Variants in SLC27A1 observed in about 807,000 individuals in gnomAD.
The protein encoded by SLC27A1 is solute carrier family 27 member 1.
Under a neutral mutation model 62.2 loss-of-function variants are expected in SLC27A1, and 61 were observed. The ratio of observed to expected loss-of-function variants is 0.98; its 90% CI spans 0.80 to 1.21. The LOEUF (loss-of-function observed/expected upper bound fraction) is 1.21, where lower values mean the gene tolerates loss of function less well. Ranked by LOEUF, SLC27A1 falls within the 50% of genes most tolerant of loss-of-function variation. SLC27A1 has a pLI of 0.00. For synonymous variants in SLC27A1, 435 were observed against 408.6 expected (o/e 1.06, Z -0.78); for missense variants, 903 against 932.1 (o/e 0.97, Z 0.41).
intron 1 of SLC27A1, among the ~76,000 whole-genome samples, chr19:17,475,977 C>T (rs1261118648): frequency 6.6e-6 from 1 of 152,088 alleles, no homozygotes; most frequent in Non-Finnish European, 1.5e-5. Flanking sequence ...ACCAAGAGAC[C>T]GGGAGGCTGG....
At chr19:17,475,595 G>A (rs2075114763) in intron 1 of SLC27A1, among the ~76,000 whole-genome samples, 1 of 152,168 alleles carries the variant, frequency 6.6e-6, no homozygotes, top group South Asian at 2.1e-4. Flanking sequence ...GGCACAGAGA[G>A]GGGAGGTTAT....
Position 17,500,848 on chromosome 19 carries a change from C to T in SLC27A1, c.1608C>T (p.Asp536=), listed in dbSNP as rs367687456. 2.0e-5 allele frequency: 33 copies of T among 1,610,596 alleles called. No individual in the cohort carries two copies. The highest frequency in any genetic ancestry group is 2.0e-4 in the African/African-American group (15 of 74,790). Residue 536 remains aspartate (D), a synonymous_variant, in exon 10 of 12, where the codon GAC becomes GAT. Coordinates refer to ENST00000252595, the MANE Select transcript of SLC27A1 (RefSeq NM_198580.3). ...GVLSRLLGQT[D]VAVYGVAVPG... The stretch of plus-strand genomic sequence containing the variant: ...TGAGCCGCCTGCTGGGCCAGACAGA[C>T]GTGGCCGTCTATGGGGTGGCTGTTC...
intron 11 of SLC27A1, 117 bp from the exon 12 acceptor site, chr19:17,504,338 C>A: frequency 7.7e-7 from 1 of 1,301,104 alleles, no homozygotes; most frequent in Non-Finnish European, 1.1e-6. Context: ...TGGGGAAGAA[C>A]ATTCCTGCCC....
Position 17,497,387 on chromosome 19 carries a change from C to A in SLC27A1, c.1129C>A (p.Arg377Ser). 6.2e-7 allele frequency: 1 copy of A among 1,604,010 alleles called. No individual in the cohort carries two copies. ...TGCCATCTGGGAGGAGTTCACGGAGCGCTTCGGCGTACGCCAAATCGGGGA... is the reference window on the plus strand; with the variant it reads ...TGCCATCTGGGAGGAGTTCACGGAGAGCTTCGGCGTACGCCAAATCGGGGA... ...RPAIWEEFTE[R>S]FGVRQIGEFY... Residue 377 changes from arginine to serine, a missense_variant, in exon 7 of 12, where the codon CGC becomes AGC. By Grantham distance (110) the Arg-to-Ser change is moderately radical (BLOSUM62 -1). Transcript: ENST00000252595.
At position 17,486,856 on chromosome 19, in the gene SLC27A1, A is replaced by T. The variant is rs1225061017; in HGVS notation, c.461A>T (p.Glu154Val). Residue 154 changes from glutamate (E) to valine (V), a missense_variant, in exon 2 of 12, where the codon GAG becomes GTG. By Grantham distance (121) the Glu-to-Val change is moderately radical (BLOSUM62 -2). Coordinates refer to ENST00000252595, the MANE Select transcript of SLC27A1 (RefSeq NM_198580.3). The surrounding 1 kb of genome is among the most constrained non-coding windows in gnomAD (Gnocchi z 6.6). ...CTGGGCCTGGCCAAGGCGGGCATGG[A>T]GGCCGCGCTGCTCAACGTGAACCTG... ...LWLGLAKAGM[E>V]AALLNVNLRR... The T allele has an allele frequency of 6.3e-7, 1 of 1,585,708 alleles. No homozygotes were observed. Among genetic ancestry groups the T allele is most frequent in the South Asian group, 1.1e-5 (1 of 89,106 alleles).
chr19:17,502,835 A>T (rs1042128974), intron 11 of SLC27A1, among the ~76,000 whole-genome samples: 5 of 151,516 alleles, frequency 3.3e-5, no homozygotes, highest in Non-Finnish European at 7.4e-5. Context: ...ACAGGCAGGC[A>T]CCACCATGCC....
In SLC27A1 at chr19:17,488,860, G is replaced by T. The variant is rs747370293; in HGVS notation, c.807G>T (p.Met269Ile). The T allele has an allele frequency of 5.0e-6, 8 of 1,613,734 alleles. No individual in the cohort carries two copies. In the South Asian group the frequency reaches 7.7e-5, roughly 16 times the overall value. ...CCTCCCCCTGCAGGTACTACCGCAT[G>T]GCAGCCTTCGGCCACCACGCCTACC... ...AIVVHSRYYR[M>I]AAFGHHAYRM... is the part of the protein sequence containing the mutation. The change falls in exon 5 of 12, where the codon ATG (methionine) becomes ATT (isoleucine). Residue 269 changes from methionine to isoleucine, a missense_variant. Met to Ile is a conservative substitution (Grantham distance 10, BLOSUM62 1). Coordinates refer to ENST00000252595, the MANE Select transcript of SLC27A1 (RefSeq NM_198580.3).
chr19:17,501,874 G>A (rs1231613719), intron 11 of SLC27A1, among the ~76,000 whole-genome samples: 4 of 150,920 alleles, frequency 2.7e-5, no homozygotes, highest in Non-Finnish European at 5.9e-5. Context: ...CACTTTGGGA[G>A]GCTGAGGCAG....
At chr19:17,500,436 G>C in intron 8 of SLC27A1, 32 bp downstream of exon 8, 5 of 1,612,660 alleles carry the variant, frequency 3.1e-6, no homozygotes, top group Non-Finnish European at 4.2e-6. Flanking sequence ...TCCCCACCCG[G>C]AGCAGGGGTC....
intron 6 of SLC27A1, 160 bp from the exon 7 acceptor site, chr19:17,497,095 C>T (rs576310189): frequency 7.1e-6 from 4 of 565,048 alleles, no homozygotes; most frequent in East Asian, 3.5e-5. Flanking sequence ...TCAATGTGGT[C>T]CCTAATGGAG....
At position 17,501,423 on chromosome 19, in the gene SLC27A1, C is replaced by T. The variant is rs139524659; in HGVS notation, c.1783+4C>T. ...CTGCCCCAGGTGGACACCACAGGTG[C>T]GAGTCTCCCCCACTCCAATCTCTCT... On this transcript the variant is annotated splice_donor_region_variant and intron_variant, in intron 11 of 11. Coordinates refer to ENST00000252595, the MANE Select transcript of SLC27A1 (RefSeq NM_198580.3). The T allele has an allele frequency of 7.9e-4, 1,277 of 1,611,110 alleles. 12 individuals are homozygous for T. The East Asian group carries it at 0.025, about 31-fold the overall frequency.
At chr19:17,469,675 G>C (rs1425659669), upstream of SLC27A1, among the ~76,000 whole-genome samples, 1 of 152,114 alleles carries the variant, frequency 6.6e-6, no homozygotes, top group Non-Finnish European at 1.5e-5. Flanking sequence ...TCGGCTCTGC[G>C]GGCTGAGGGG....
chr19:17,489,037 ATCTATGGGCTG>A lies in SLC27A1; in HGVS notation c.917_927del (p.Ile306AsnfsTer117). 6.2e-7 allele frequency: 1 copy of A among 1,614,052 alleles called. No homozygotes were observed. Among genetic ancestry groups the A allele is most frequent in the Non-Finnish European group, 8.5e-7 (1 of 1,179,988 alleles). On this transcript the variant is annotated frameshift_variant, in exon 6 of 12. Coordinates refer to ENST00000252595, the MANE Select transcript of SLC27A1 (RefSeq NM_198580.3). LOFTEE classifies it high-confidence loss of function. The stretch of plus-strand genomic sequence containing the variant: ...CATCATCGGCGTGGGGCAGTGTCTC[ATCTATGGGCTG>A]ACAGTCGTCCTCCGCAAGAAATTCT...
chr19:17,493,360 G>A (rs1361367749), intron 6 of SLC27A1, among the ~76,000 whole-genome samples: 1 of 147,740 alleles, frequency 6.8e-6, no homozygotes, highest in Non-Finnish European at 1.5e-5. Context: ...CCCGGGAAGT[G>A]GAGGTTGCAG....
chr19:17,485,389 C>T (rs540970753), intron 1 of SLC27A1, among the ~76,000 whole-genome samples: 32 of 151,540 alleles, frequency 2.1e-4, no homozygotes, highest in Non-Finnish European at 3.8e-4. Flanking sequence ...GGGGTTTCAC[C>T]GTGTTAGCCA....
chr19:17,491,682 G>A (rs1455212172), intron 6 of SLC27A1, among the ~76,000 whole-genome samples: 1 of 151,900 alleles, frequency 6.6e-6, no homozygotes, highest in African/African-American at 2.4e-5. Flanking sequence ...GACCAGCCTG[G>A]GCAACATAGT....
upstream of SLC27A1, chr19:17,470,447 G>T: frequency 7.4e-7 from 1 of 1,343,814 alleles, no homozygotes; most frequent in Non-Finnish European, 9.6e-7. Flanking sequence ...TGGGGGCGCG[G>T]CTCGCTGTAG....
At chr19:17,487,649 C>T (rs2075251028) in intron 4 of SLC27A1, 120 bp downstream of exon 4, 2 of 985,664 alleles carry the variant, frequency 2.0e-6, no homozygotes, top group Non-Finnish European at 1.5e-6. Context: ...ACAGAGAGGG[C>T]AGCTGGTGTT....
At chr19:17,499,978 T>A (rs987837454) in intron 7 of SLC27A1, 1 of 421,916 alleles carries the variant, frequency 2.4e-6, no homozygotes, top group Non-Finnish European at 4.3e-6. Context: ...GTGTCTGACG[T>A]AGCTGTAGTG....
Sources: gnomAD v4.1 joint callset for allele counts (sites outside exome capture counted in the v4.1 genomes callset) on GRCh38, gnomAD v4.1.1 for gene constraint, Gnocchi (gnomAD v3.1) non-coding constraint, MANE v1.5 for transcripts, NCBI Gene and HGNC (gene_info 2026-07-23, HGNC 2026-07-21) for gene names.